CCDC7: variants seen among roughly 807,000 people sequenced by gnomAD.
CCDC7 encodes coiled-coil domain containing 7, also known as coiled-coil domain-containing protein 7.
A neutral mutation model predicts 196.9 loss-of-function variants in CCDC7; 183 were observed. The ratio of observed to expected loss-of-function variants is 0.93; its 90% CI spans 0.82 to 1.05. The LOEUF is 1.05. Among genes scored for constraint, CCDC7 ranks in the 50% least tolerant of loss-of-function variants. CCDC7 has a pLI of 0.00. For synonymous variants in CCDC7, 525 were observed against 484.6 expected (o/e 1.08, Z -1.10); for missense variants, 1,540 against 1,482.2 (o/e 1.04, Z -0.64).
chr10:32,793,348 A>G (rs1043393317), intron 29 of CCDC7, among the ~76,000 whole-genome samples: 1 of 152,156 alleles, frequency 6.6e-6, no homozygotes, highest in Non-Finnish European at 1.5e-5. Flanking sequence ...GAAAGGGAGG[A>G]CATGGAATTA....
intron 13 of CCDC7, among the ~76,000 whole-genome samples, chr10:32,554,386 C>T (rs1276682039): frequency 5.3e-5 from 8 of 152,168 alleles, no homozygotes; most frequent in Non-Finnish European, 1.2e-4. Flanking sequence ...ACTGCTTTTC[C>T]CTGTGGAGTT....
chr10:32,714,891 G>A (rs1209638685), intron 25 of CCDC7, among the ~76,000 whole-genome samples: 1 of 152,200 alleles, frequency 6.6e-6, no homozygotes, highest in East Asian at 1.9e-4. Context: ...AAAGGCAGTA[G>A]CCCCAGCCAG....
intron 13 of CCDC7, among the ~76,000 whole-genome samples, chr10:32,550,957 AGT>A (rs1047128220): frequency 6.6e-6 from 1 of 152,132 alleles, no homozygotes; most frequent in Non-Finnish European, 1.5e-5. Flanking sequence ...CTTAAGGAAT[AGT>A]GTCAAAAGGA....
At chr10:32,513,153 G>T (rs1434093726) in intron 9 of CCDC7, 1 of 152,008 alleles carries the variant, frequency 6.6e-6, no homozygotes, top group Admixed American at 6.6e-5. Flanking sequence ...GAACTAGAAA[G>T]AACCTGTTTT....
chr10:32,788,455 G>C (rs2134535150), intron 29 of CCDC7, among the ~76,000 whole-genome samples: 1 of 152,256 alleles, frequency 6.6e-6, no homozygotes, highest in South Asian at 2.1e-4. Context: ...CTCAGTACCA[G>C]GCCAGTCTGC....
chr10:32,480,190 A>T (rs1052071467), intron 8 of CCDC7, among the ~76,000 whole-genome samples: 6 of 151,550 alleles, frequency 4.0e-5, no homozygotes, highest in Admixed American at 6.6e-5. Context: ...TCTCTATTTT[A>T]TGTACTTCTG....
intron 11 of CCDC7, among the ~76,000 whole-genome samples, chr10:32,525,951 G>C (rs1235231453): frequency 6.6e-6 from 1 of 152,228 alleles, no homozygotes; most frequent in African/African-American, 2.4e-5. Context: ...GACTGCACCA[G>C]GTCAGACTTG....
At chr10:32,835,787 C>A (rs1007729343) in intron 33 of CCDC7, among the ~76,000 whole-genome samples, 1 of 152,022 alleles carries the variant, frequency 6.6e-6, no homozygotes, top group African/African-American at 2.4e-5. Context: ...CCCCATGACA[C>A]AAGTTTACCT....
At chr10:32,794,302 T>A (rs1037991272) in intron 29 of CCDC7, among the ~76,000 whole-genome samples, 1 of 152,254 alleles carries the variant, frequency 6.6e-6, no homozygotes, top group African/African-American at 2.4e-5. Context: ...TTGTACCATA[T>A]TTTCTTTATC....
intron 25 of CCDC7, among the ~76,000 whole-genome samples, chr10:32,711,996 G>T (rs2080921941): frequency 6.6e-6 from 1 of 152,234 alleles, no homozygotes; most frequent in Non-Finnish European, 1.5e-5. Context: ...TCTCACAAAA[G>T]ATGGGTACCT....
intron 9 of CCDC7, among the ~76,000 whole-genome samples, chr10:32,517,501 C>T (rs1264823605): frequency 6.6e-6 from 1 of 151,064 alleles, no homozygotes; most frequent in Non-Finnish European, 1.5e-5. Flanking sequence ...ATCAAAGTGT[C>T]CGTTAAACTT....
chr10:32,665,115 G>C (rs995708302), intron 21 of CCDC7, among the ~76,000 whole-genome samples: 1 of 152,106 alleles, frequency 6.6e-6, no homozygotes, highest in South Asian at 2.1e-4. Context: ...GTCTTCATTA[G>C]AGAAATGTCT....
At chr10:32,813,893 G>T (rs1006160788) in intron 30 of CCDC7, among the ~76,000 whole-genome samples, 13 of 151,810 alleles carry the variant, frequency 8.6e-5, no homozygotes, top group African/African-American at 3.1e-4. Context: ...CCTTTTTAAG[G>T]TTTTTGTTAT....
chr10:32,864,292 G>A (rs182643286), intron 41 of CCDC7, among the ~76,000 whole-genome samples: 1 of 151,734 alleles, frequency 6.6e-6, no homozygotes, highest in East Asian at 1.9e-4. Flanking sequence ...TGGTAAGGAT[G>A]TGGAGAAATT....
upstream of CCDC7, among the ~76,000 whole-genome samples, chr10:32,446,844 G>T (rs2031240254): frequency 6.6e-6 from 1 of 151,852 alleles, no homozygotes; most frequent in Non-Finnish European, 1.5e-5. Context: ...CTTCATCGGA[G>T]CATTTGTCAG....
At chr10:32,743,078 T>C (rs1483871434) in intron 28 of CCDC7, among the ~76,000 whole-genome samples, 1 of 152,174 alleles carries the variant, frequency 6.6e-6, no homozygotes, top group Non-Finnish European at 1.5e-5. Flanking sequence ...ATGTTATGGG[T>C]TTTTTCCCCA....
intron 13 of CCDC7, among the ~76,000 whole-genome samples, chr10:32,563,953 A>G (rs1438652394): frequency 1.3e-5 from 2 of 152,248 alleles, no homozygotes; most frequent in Admixed American, 6.5e-5. Flanking sequence ...CAAATTTACA[A>G]GAAAAAAACA....
chr10:32,512,972 A>ATTTC (rs2046447692), intron 9 of CCDC7: 1 of 151,974 alleles, frequency 6.6e-6, no homozygotes, highest in African/African-American at 2.4e-5. Context: ...TACCATGCTA[A>ATTTC]TATAATAGAA....
At chr10:32,676,147 T>G (rs1302752154) in intron 21 of CCDC7, among the ~76,000 whole-genome samples, 2 of 125,398 alleles carry the variant, frequency 1.6e-5, no homozygotes, top group Non-Finnish European at 3.4e-5. Flanking sequence ...GGATTCCCTG[T>G]TTAATAAATG....
Sources: gnomAD v4.1 joint callset for allele counts (sites outside exome capture counted in the v4.1 genomes callset) on GRCh38, gnomAD v4.1.1 for gene constraint, MANE v1.5 for transcripts, NCBI Gene and HGNC (gene_info 2026-07-23, HGNC 2026-07-21) for gene names.